The following ARHGAP17 variants were observed in gnomAD, a reference collection of about 807,000 sequenced individuals.
ARHGAP17 encodes rho GTPase-activating protein 17.
ARHGAP17 carries 57 observed loss-of-function variants against 99.5 expected under a neutral mutation model. That is an observed-to-expected ratio of 0.57 (90% CI 0.46 to 0.71). The LOEUF is 0.71. ARHGAP17 is among the 30% of genes least tolerant of loss of function. The pLI is 0.00. For synonymous variants in ARHGAP17, 417 were observed against 429.6 expected, an observed-to-expected ratio of 0.97 and a Z score of 0.36; for missense variants, 1,000 against 1,122.4, an observed-to-expected ratio of 0.89 and a Z score of 1.56.
intron 1 of ARHGAP17, among the ~76,000 whole-genome samples, chr16:25,009,171 GC>G (rs1318269124): frequency 2.0e-5 from 3 of 152,182 alleles, no homozygotes; most frequent in Non-Finnish European, 4.4e-5. Context: ...TTCAAGACCA[GC>G]CTGGCCAACA....
chr16:24,938,654 C>A (rs1376771293), intron 17 of ARHGAP17, among the ~76,000 whole-genome samples: 1 of 151,836 alleles, frequency 6.6e-6, no homozygotes, highest in Non-Finnish European at 1.5e-5. Context: ...CACCTGTAAT[C>A]CCAGCTACTT....
intron 18 of ARHGAP17, among the ~76,000 whole-genome samples, chr16:24,932,384 A>C (rs2152448452): frequency 6.6e-6 from 1 of 152,352 alleles, no homozygotes; most frequent in African/African-American, 2.4e-5. Context: ...AACTGTTAAC[A>C]GAGGCCACCC....
In ARHGAP17 at chr16:25,015,336, C is replaced by T; in HGVS notation, c.-75G>A. 1 of 1,205,436 alleles carries T rather than the reference C, an allele frequency of 8.3e-7. No individual in the cohort carries two copies. Among genetic ancestry groups the T allele is most frequent in the Non-Finnish European group, 1.0e-6 (1 of 962,976 alleles). The allele number at this position is 1,205,436 out of a possible 1,614,324, so 74.7% of individuals were successfully genotyped here. Reference sequence around the variant, plus strand: ...GGACAGCCTGGCAGCTACTACATCGCTTCCCGGCCCAAACGGCGGCGCGGC... The same window carrying T: ...GGACAGCCTGGCAGCTACTACATCGTTTCCCGGCCCAAACGGCGGCGCGGC... On this transcript the variant is annotated 5_prime_UTR_variant, in exon 1 of 20. Coordinates refer to ENST00000289968, the MANE Select transcript of ARHGAP17 (RefSeq NM_001006634.3).
chr16:25,013,499 T>C (rs2053697834), intron 1 of ARHGAP17, among the ~76,000 whole-genome samples: 1 of 152,028 alleles, frequency 6.6e-6, no homozygotes, highest in South Asian at 2.1e-4. Flanking sequence ...TGCCCACCTG[T>C]AGTTCCAACC....
At chr16:24,978,927 CT>C in intron 2 of ARHGAP17, 38 bp downstream of exon 2, 4 of 1,501,310 alleles carry the variant, frequency 2.7e-6, no homozygotes, top group Non-Finnish European at 3.6e-6. Context: ...TTTTTCCATC[CT>C]TTAAACAGAT....
At chr16:25,015,176 C>A in intron 1 of ARHGAP17, 33 bp downstream of exon 1, 1 of 1,276,316 alleles carries the variant, frequency 7.8e-7, no homozygotes. Context: ...CCCCCAGCCC[C>A]GGTGCGACCC....
At chr16:24,938,830 C>G (rs2051221704) in intron 17 of ARHGAP17, among the ~76,000 whole-genome samples, 1 of 151,346 alleles carries the variant, frequency 6.6e-6, no homozygotes. Context: ...CCACCTTGGA[C>G]TCATGGATCA....
chr16:24,965,424 C>T (rs1189800004), intron 6 of ARHGAP17, among the ~76,000 whole-genome samples: 1 of 152,178 alleles, frequency 6.6e-6, no homozygotes, highest in African/African-American at 2.4e-5. Context: ...GAGCCCAGAC[C>T]AAGATCGCAA....
intron 1 of ARHGAP17, 65 bp downstream of exon 1, chr16:25,015,143 GC>G: frequency 2.6e-6 from 3 of 1,135,302 alleles, no homozygotes; most frequent in Non-Finnish European, 3.3e-6. Flanking sequence ...GAGCCGTCCC[GC>G]CCCCGCGCCC....
At chr16:24,925,074 G>A (rs1346540010) in intron 19 of ARHGAP17, among the ~76,000 whole-genome samples, 2 of 152,046 alleles carry the variant, frequency 1.3e-5, no homozygotes, top group East Asian at 1.9e-4. Context: ...GAGGGAAAAT[G>A]TTAGGGTGAT....
intron 9 of ARHGAP17, 38 bp downstream of exon 9, chr16:24,959,633 G>T: frequency 6.3e-7 from 1 of 1,598,862 alleles, no homozygotes; most frequent in Non-Finnish European, 8.6e-7. Context: ...GGTGGCAGAG[G>T]CAAGAAGGAA....
At chr16:24,978,697 T>G (rs1434979114) in intron 2 of ARHGAP17, among the ~76,000 whole-genome samples, 1 of 152,112 alleles carries the variant, frequency 6.6e-6, no homozygotes, top group Non-Finnish European at 1.5e-5. Context: ...AAGTGGAAAC[T>G]GAGGCGCAGG....
chr16:24,934,348 G>C (rs569319621), intron 18 of ARHGAP17, among the ~76,000 whole-genome samples: 1 of 152,242 alleles, frequency 6.6e-6, no homozygotes, highest in East Asian at 1.9e-4. Context: ...TTTTAGTAGA[G>C]ATGGGGTTTC....
intron 19 of ARHGAP17, 33 bp from the exon 20 acceptor site, chr16:24,920,293 T>A (rs746374576): frequency 7.4e-6 from 12 of 1,612,168 alleles, no homozygotes; most frequent in Non-Finnish European, 9.3e-6. Context: ...ATGGTATCAA[T>A]GAGGGGTAAC....
At chr16:24,937,408 C>T (rs1020777305) in intron 17 of ARHGAP17, among the ~76,000 whole-genome samples, 4 of 151,624 alleles carry the variant, frequency 2.6e-5, no homozygotes, top group Non-Finnish European at 5.9e-5. Context: ...GGCAACAGAG[C>T]GAGACTTCGT....
intron 1 of ARHGAP17, 95 bp from the exon 2 acceptor site, chr16:24,979,100 C>T: frequency 2.3e-6 from 2 of 887,056 alleles, no homozygotes; most frequent in Non-Finnish European, 1.7e-6. Context: ...TAAAGCAAAA[C>T]AGGCAGAAAT....
At chr16:24,944,074 A>G (rs2141199737) in intron 14 of ARHGAP17, among the ~76,000 whole-genome samples, 1 of 152,048 alleles carries the variant, frequency 6.6e-6, no homozygotes, top group South Asian at 2.1e-4. Context: ...AGATCGAGAC[A>G]ATCCTGGCCA....
chr16:24,937,660 G>C (rs1367526541), intron 17 of ARHGAP17, among the ~76,000 whole-genome samples: 1 of 152,112 alleles, frequency 6.6e-6, no homozygotes, highest in Non-Finnish European at 1.5e-5. Flanking sequence ...CCAAGGTGAA[G>C]AAAATGGAAT....
At chr16:25,014,202 C>T (rs893794586) in intron 1 of ARHGAP17, among the ~76,000 whole-genome samples, 1 of 152,190 alleles carries the variant, frequency 6.6e-6, no homozygotes, top group African/African-American at 2.4e-5. Flanking sequence ...ACCAAACTCC[C>T]CTTAACTGTT....
Sources: allele counts gnomAD v4.1 joint callset (sites outside exome capture counted in the v4.1 genomes callset), GRCh38; gene constraint gnomAD v4.1.1; transcripts MANE v1.5; gene names NCBI Gene and HGNC (gene_info 2026-07-23, HGNC 2026-07-21).